PCDH9: variants seen among roughly 807,000 people sequenced by gnomAD.
The protein encoded by PCDH9 is protocadherin-9.
PCDH9 carries 24 observed loss-of-function variants against 70.6 expected under a neutral mutation model. The observed-to-expected ratio is 0.34, with a 90% CI of 0.25 to 0.48. PCDH9 has a LOEUF of 0.48. Ranked by LOEUF, PCDH9 falls within the 20% of genes least tolerant of loss-of-function variation. The probability of loss-of-function intolerance (pLI) is 0.99; values close to 1 mark genes in which losing one functional copy is unlikely to be tolerated. For synonymous variants in PCDH9, 562 were observed against 558.5 expected, an observed-to-expected ratio of 1.01 and a Z score of -0.09; for missense variants, 1,281 against 1,503.6, an observed-to-expected ratio of 0.85 and a Z score of 2.45.
chr13:66,365,109 T>C (rs1233610982), intron 4 of PCDH9, among the ~76,000 whole-genome samples: 1 of 152,206 alleles, frequency 6.6e-6, no homozygotes, highest in Non-Finnish European at 1.5e-5. Flanking sequence ...TTTCCTTTGA[T>C]ATGCACAGTT....
intron 4 of PCDH9, among the ~76,000 whole-genome samples, chr13:66,555,870 TAC>T (rs1961714384): frequency 6.7e-6 from 1 of 149,138 alleles, no homozygotes; most frequent in African/African-American, 2.4e-5. Context: ...TAATCGGTAC[TAC>T]AGTCACTATT....
At chr13:66,513,195 T>TG (rs549429974) in intron 4 of PCDH9, among the ~76,000 whole-genome samples, 1 of 12,620 alleles carries the variant, frequency 7.9e-5, no homozygotes, top group Admixed American at 1.3e-3. Context: ...ATAACACGTG[T>TG]TTTTTTTTTT....
chr13:66,327,204 C>A (rs778896875), intron 4 of PCDH9, among the ~76,000 whole-genome samples: 2 of 152,102 alleles, frequency 1.3e-5, no homozygotes, highest in East Asian at 1.9e-4. Context: ...TCCACAGTAA[C>A]CCTGTTGCCA....
At chr13:66,775,778 T>TG (rs1387627645) in intron 3 of PCDH9, among the ~76,000 whole-genome samples, 3 of 152,176 alleles carry the variant, frequency 2.0e-5, no homozygotes, top group Admixed American at 6.5e-5. Context: ...CAGTGAAGTT[T>TG]GGGGGGAGTC....
At chr13:66,588,972 G>A (rs1593737906) in intron 4 of PCDH9, among the ~76,000 whole-genome samples, 1 of 151,976 alleles carries the variant, frequency 6.6e-6, no homozygotes, top group East Asian at 1.9e-4. Context: ...ATTTCTGAAG[G>A]ATTTCCCATT....
chr13:66,971,614 A>G (rs1164844179), intron 2 of PCDH9, among the ~76,000 whole-genome samples: 1 of 151,924 alleles, frequency 6.6e-6, no homozygotes, highest in East Asian at 1.9e-4. Context: ...TGTCTCTTTT[A>G]ATTGCTTAAA....
chr13:67,146,387 T>C (rs1488112239), intron 2 of PCDH9, among the ~76,000 whole-genome samples: 2 of 152,106 alleles, frequency 1.3e-5, no homozygotes, highest in Admixed American at 6.6e-5. Context: ...ATGAAGAATA[T>C]CACATATATA....
At chr13:66,404,014 T>C (rs371724086) in intron 4 of PCDH9, among the ~76,000 whole-genome samples, 40 of 152,298 alleles carry the variant, frequency 2.6e-4, no homozygotes, top group African/African-American at 9.4e-4. Flanking sequence ...CTGAAATGTC[T>C]GCAACACGGA....
chr13:66,435,984 C>A (rs1185282451), intron 4 of PCDH9, among the ~76,000 whole-genome samples: 1 of 151,760 alleles, frequency 6.6e-6, no homozygotes, highest in Non-Finnish European at 1.5e-5. Context: ...AGGATGTGAG[C>A]AATGCAAGAG....
At chr13:66,559,659 G>T (rs891721678) in intron 4 of PCDH9, among the ~76,000 whole-genome samples, 1 of 151,206 alleles carries the variant, frequency 6.6e-6, no homozygotes, top group Non-Finnish European at 1.5e-5. Flanking sequence ...AATTAGCCGG[G>T]CGTGGTGGCG....
intron 3 of PCDH9, among the ~76,000 whole-genome samples, chr13:66,845,391 A>G (rs1033805089): frequency 1.3e-5 from 2 of 152,174 alleles, no homozygotes; most frequent in Non-Finnish European, 2.9e-5. Context: ...GATCAGCCTC[A>G]CCTTTGCTTT....
At chr13:66,397,685 T>C (rs2138285968) in intron 4 of PCDH9, among the ~76,000 whole-genome samples, 1 of 151,760 alleles carries the variant, frequency 6.6e-6, no homozygotes, top group Non-Finnish European at 1.5e-5. Flanking sequence ...TTTAAATAAC[T>C]TTGTGAAACT....
At chr13:66,643,078 CAACATACAAATTGAAAAGT>C (rs2077728775) in intron 3 of PCDH9, among the ~76,000 whole-genome samples, 1 of 151,822 alleles carries the variant, frequency 6.6e-6, no homozygotes, top group African/African-American at 2.4e-5. Context: ...AACAAGTTTC[CAACATACAAATTGAAAAGT>C]AACATTCAGA....
At chr13:66,716,286 A>G (rs575280685) in intron 3 of PCDH9, among the ~76,000 whole-genome samples, 1 of 152,352 alleles carries the variant, frequency 6.6e-6, no homozygotes, top group East Asian at 1.9e-4. Context: ...TACTTGTTCC[A>G]TGTTTGTGCT....
intron 2 of PCDH9, among the ~76,000 whole-genome samples, chr13:67,120,364 T>C (rs2086854137): frequency 6.6e-6 from 1 of 152,066 alleles, no homozygotes; most frequent in Admixed American, 6.6e-5. Context: ...GTACTGACCA[T>C]TGGGATGAAT....
At chr13:66,392,695 T>C (rs1203859570) in intron 4 of PCDH9, among the ~76,000 whole-genome samples, 1 of 152,142 alleles carries the variant, frequency 6.6e-6, no homozygotes, top group African/African-American at 2.4e-5. Context: ...TGCACTCTCA[T>C]TTCTTATATA....
intron 4 of PCDH9, among the ~76,000 whole-genome samples, chr13:66,326,395 T>A (rs1423030788): frequency 2.1e-4 from 29 of 139,596 alleles, no homozygotes; most frequent in African/African-American, 8.5e-4. Flanking sequence ...TTCTTCTTCT[T>A]CTAAAAAAAA....
Position 66,638,121 on chromosome 13 carries a change from C to G in PCDH9, c.3139-6710G>C, listed in dbSNP as rs192016890. On this transcript the variant is annotated intron_variant, in intron 3 of 4. Coordinates refer to ENST00000377865, the MANE Select transcript of PCDH9 (RefSeq NM_203487.3). ...ATTGAGTACCATTATATTCTAGACACTACTCGAGCTGCTAATACTACAATG... is the reference window on the plus strand; with the variant it reads ...ATTGAGTACCATTATATTCTAGACAGTACTCGAGCTGCTAATACTACAATG... Among the ~76,000 whole-genome samples, 559 of 152,252 alleles carry G rather than the reference C, an allele frequency of 3.7e-3. 1 individual carries two copies. The highest frequency in any genetic ancestry group is 5.8e-3 in the Non-Finnish European group (394 of 68,016).
At chr13:66,375,007 A>G (rs1376483687) in intron 4 of PCDH9, among the ~76,000 whole-genome samples, 1 of 152,096 alleles carries the variant, frequency 6.6e-6, no homozygotes, top group East Asian at 1.9e-4. Flanking sequence ...ATTGTTAAGT[A>G]TAACTCAGGA....
Sources: gnomAD v4.1 joint callset for allele counts (sites outside exome capture counted in the v4.1 genomes callset) on GRCh38, gnomAD v4.1.1 for gene constraint, MANE v1.5 for transcripts, NCBI Gene and HGNC (gene_info 2026-07-23, HGNC 2026-07-21) for gene names.